Variants in SAMSN1 observed in about 807,000 individuals in gnomAD.
SAMSN1 encodes SAM domain-containing protein SAMSN-1.
SAMSN1 carries 31 observed loss-of-function variants against 42.0 expected under a neutral mutation model. The observed-to-expected ratio is 0.74, with a 90% CI of 0.55 to 1.00. The LOEUF (loss-of-function observed/expected upper bound fraction) is 1.00. Among genes scored for constraint, SAMSN1 ranks in the 50% least tolerant of loss-of-function variants. SAMSN1 has a pLI of 0.00. For synonymous variants in SAMSN1, 178 were observed against 151.9 expected (o/e 1.17, Z -1.26); for missense variants, 464 against 439.4 (o/e 1.06, Z -0.50).
intron 7 of SAMSN1, among the ~76,000 whole-genome samples, chr21:14,589,308 T>A (rs1298601199): frequency 6.6e-6 from 1 of 152,008 alleles, no homozygotes; most frequent in Non-Finnish European, 1.5e-5. Flanking sequence ...TTATTAATAA[T>A]AGAGTTGGGA....
chr21:14,546,694 G>A (rs1479410042), upstream of SAMSN1, among the ~76,000 whole-genome samples: 2 of 151,260 alleles, frequency 1.3e-5, no homozygotes, highest in African/African-American at 4.9e-5. Context: ...GAATACTCAA[G>A]GTAGTCAATT....
intron 5 of SAMSN1, among the ~76,000 whole-genome samples, chr21:14,508,986 G>C (rs1987551047): frequency 6.6e-6 from 1 of 151,960 alleles, no homozygotes; most frequent in South Asian, 2.1e-4. Context: ...AAATTAGCTG[G>C]GTGCGGTGGC....
intron 1 of SAMSN1, among the ~76,000 whole-genome samples, chr21:14,527,692 T>C (rs1051017279): frequency 5.3e-5 from 8 of 149,836 alleles, no homozygotes; most frequent in Admixed American, 4.7e-4. Context: ...GAAGTTGCTG[T>C]GACACTAGAA....
At chr21:14,584,576 T>A (rs562619762), upstream of SAMSN1, among the ~76,000 whole-genome samples, 70 of 152,308 alleles carry the variant, frequency 4.6e-4, no homozygotes, top group African/African-American at 1.7e-3. Context: ...AATTAACTCT[T>A]TGTGTGCTAA....
At chr21:14,520,357 A>G (rs1056638917) in intron 2 of SAMSN1, among the ~76,000 whole-genome samples, 1 of 152,226 alleles carries the variant, frequency 6.6e-6, no homozygotes, top group Non-Finnish European at 1.5e-5. Context: ...CAACTTACAT[A>G]ACATTTTATA....
At chr21:14,560,477 G>T (rs1980909643) in intron 2 of SAMSN1, among the ~76,000 whole-genome samples, 1 of 152,102 alleles carries the variant, frequency 6.6e-6, no homozygotes, top group Non-Finnish European at 1.5e-5. Flanking sequence ...TTCAAAACAT[G>T]TCTCTTTCTT....
chr21:14,538,115 G>T (rs900365126), intron 1 of SAMSN1, among the ~76,000 whole-genome samples: 5 of 152,088 alleles, frequency 3.3e-5, no homozygotes, highest in African/African-American at 1.2e-4. Context: ...GAGATATCTG[G>T]TTTTTTGTTT....
chr21:14,627,235 C>A (rs541223528), intron 2 of SAMSN1, among the ~76,000 whole-genome samples: 17 of 151,476 alleles, frequency 1.1e-4, no homozygotes, highest in African/African-American at 4.1e-4. Flanking sequence ...ATGTAACAAA[C>A]CTGCACGTTG....
At chr21:14,491,268 C>T (rs930702462) in intron 7 of SAMSN1, among the ~76,000 whole-genome samples, 10 of 144,912 alleles carry the variant, frequency 6.9e-5, no homozygotes, top group Non-Finnish European at 1.2e-4. Flanking sequence ...CTGGCTTTCC[C>T]TTTTTTTTTT....
chr21:14,646,950 A>C (rs183918864), intron 1 of SAMSN1, among the ~76,000 whole-genome samples: 14 of 152,338 alleles, frequency 9.2e-5, no homozygotes, highest in African/African-American at 2.9e-4. Flanking sequence ...AAACTAAACC[A>C]TGTCTCCAGA....
intron 2 of SAMSN1, among the ~76,000 whole-genome samples, chr21:14,623,059 C>T (rs1983057964): frequency 6.6e-6 from 1 of 152,166 alleles, no homozygotes; most frequent in Non-Finnish European, 1.5e-5. Flanking sequence ...CCTTTACAGA[C>T]AAGCAAATGC....
chr21:14,568,231 T>C (rs760348), intron 2 of SAMSN1, among the ~76,000 whole-genome samples: 141,487 of 152,262 alleles, frequency 0.93, 65,914 homozygotes, highest in East Asian at 1. Context: ...ATGTCTCTCA[T>C]TTAAGTGTTC....
rs191445687 is a variant in SAMSN1, at chr21:14,603,249, C to T, written c.323-1150G>A. On this transcript the variant is annotated intron_variant, in intron 5 of 15. Transcript: ENST00000647101. ...ACCTTTTTACAGGAATTTTGAATGA[C>T]TCCTTCTATAAGCATTCTTCTAGGT... Among the ~76,000 whole-genome samples the T allele has an allele frequency of 2.9e-3, 435 of 152,278 alleles. 5 individuals carry two copies. Among genetic ancestry groups the T allele is most frequent in the Non-Finnish European group, 4.5e-3 (303 of 68,026 alleles).
At chr21:14,576,220 T>C (rs1040884412) in intron 2 of SAMSN1, among the ~76,000 whole-genome samples, 5 of 152,148 alleles carry the variant, frequency 3.3e-5, no homozygotes, top group African/African-American at 1.2e-4. Context: ...AGCTTCAGGA[T>C]CATTAATCAG....
rs1393735741 is a variant in SAMSN1, at chr21:14,577,273, T to C, written c.261+4863A>G. ...ATATATATATATATATATATATATA[T>C]ATATATATATATTTTTTTTTTAGAA... On this transcript the variant is annotated intron_variant, in intron 2 of 8. Coordinates refer to the SAMSN1 transcript ENST00000285670. Among the ~76,000 whole-genome samples, 4 of 54,208 alleles carry C rather than the reference T, an allele frequency of 7.4e-5. 1 individual carries two copies. Among genetic ancestry groups the C allele is most frequent in the African/African-American group, 4.5e-4 (4 of 8,870 alleles). The allele number at this position is 54,208 out of a possible 152,430, so 35.6% of individuals were successfully genotyped here.
chr21:14,499,329 A>G lies in SAMSN1; in HGVS notation c.769-737T>C, dbSNP rs370424572. On this transcript the variant is annotated intron_variant, in intron 6 of 7. Coordinates refer to ENST00000400566, the MANE Select transcript of SAMSN1 (RefSeq NM_022136.5). The stretch of plus-strand genomic sequence containing the variant: ...TGAAACCTCTATCCTCTCAAACAAA[A>G]TAAAAATATTAAGTGAAGTTGAGTG... 5.3e-5 allele frequency among the ~76,000 whole-genome samples: 8 copies of G among 152,266 alleles called. 1 individual carries two copies. The highest frequency in any genetic ancestry group is 1.9e-4 in the East Asian group (1 of 5,176).
intron 2 of SAMSN1, among the ~76,000 whole-genome samples, chr21:14,579,154 C>T (rs761324041): frequency 5.3e-5 from 8 of 152,062 alleles, no homozygotes; most frequent in Non-Finnish European, 8.8e-5. Context: ...GTCTCAAATC[C>T]CGGAGTGTAA....
In SAMSN1 at chr21:14,509,407, G is replaced by T. The variant is rs568260478; in HGVS notation, c.561+903C>A. On this transcript the variant is annotated intron_variant, in intron 5 of 7. Transcript: ENST00000400566. ...CGGACTTTGGGGACTTGGGGAAAGG[G>T]TGAGAAGGTGGTGAGGGATAAATTA... Among the ~76,000 whole-genome samples, 11 of 152,338 alleles carry T rather than the reference G, an allele frequency of 7.2e-5. No individual in the cohort carries two copies. The South Asian group carries it at 2.3e-3, about 32-fold the overall frequency.
intron 1 of SAMSN1, among the ~76,000 whole-genome samples, chr21:14,650,712 T>C (rs1983819060): frequency 6.6e-6 from 1 of 151,352 alleles, no homozygotes; most frequent in Non-Finnish European, 1.5e-5. Flanking sequence ...AATTGAAGTT[T>C]AAAAAAATAC....
Sources: gnomAD v4.1 joint callset for allele counts (sites outside exome capture counted in the v4.1 genomes callset) on GRCh38, gnomAD v4.1.1 for gene constraint, MANE v1.5 for transcripts, NCBI Gene and HGNC (gene_info 2026-07-23, HGNC 2026-07-21) for gene names.